The following SPTBN4 variants were observed in gnomAD, a reference collection of about 807,000 sequenced individuals.
SPTBN4 encodes spectrin beta chain, non-erythrocytic 4.
SPTBN4 carries 96 observed loss-of-function variants against 277.8 expected under a neutral mutation model. The ratio of observed to expected loss-of-function variants is 0.35; its 90% CI spans 0.29 to 0.41. The LOEUF is 0.41. Ranked by LOEUF, SPTBN4 falls within the 10% of genes least tolerant of loss-of-function variation. SPTBN4 has a pLI of 1.00. For synonymous variants in SPTBN4, 1,481 were observed against 1,580.3 expected, an observed-to-expected ratio of 0.94 and a Z score of 1.49; for missense variants, 3,006 against 3,595.7, an observed-to-expected ratio of 0.84 and a Z score of 4.19.
At chr19:40,488,084 C>A (rs900423363) in intron 3 of SPTBN4, among the ~76,000 whole-genome samples, 2 of 151,818 alleles carry the variant, frequency 1.3e-5, no homozygotes, top group African/African-American at 4.8e-5. Flanking sequence ...GCTGATGGCT[C>A]GCTAGCTACG....
At position 40,569,705 on chromosome 19, in the gene SPTBN4, A is replaced by G; in HGVS notation, c.7005A>G (p.Ala2335=). ...DIVEQLQEKE[A]GPGLPAGPSL... is the part of the protein sequence containing the mutation. The stretch of plus-strand genomic sequence containing the variant: ...TGGAACAGCTGCAGGAGAAAGAGGC[A>G]GGCCCAGGGCTGCCTGCTGGGGTAA... Residue 2335 remains alanine (A), a synonymous_variant, in exon 32 of 36, where the codon GCA becomes GCG. Transcript: ENST00000598249. 1 of 1,612,672 alleles carries G rather than the reference A, an allele frequency of 6.2e-7. No individual in the cohort carries two copies. The highest frequency in any genetic ancestry group is 8.5e-7 in the Non-Finnish European group (1 of 1,179,480).
rs1243848610 is a variant in SPTBN4, at chr19:40,512,969, C to A, written c.2180C>A (p.Ala727Glu). The A allele has an allele frequency of 3.5e-6, 5 of 1,411,364 alleles. No homozygotes were observed. Among genetic ancestry groups the A allele is most frequent in the Non-Finnish European group, 3.7e-6 (4 of 1,092,870 alleles). The allele number at this position is 1,411,364 out of a possible 1,614,324, so 87.4% of individuals were successfully genotyped here. Residue 727 changes from alanine to glutamate, a missense_variant, in exon 14 of 36, where the codon GCG becomes GAG. Ala to Glu is a moderately radical substitution (Grantham distance 107). Transcript: ENST00000598249. ...QALRCGEELV[A>E]AGGAVGPGAD... ...CTGCGGTGTGGCGAGGAGCTGGTTG[C>A]GGCCGGCGGTGCCGTCGGCCCGGGA...
chr19:40,503,738 A>C (rs1267074384), intron 11 of SPTBN4, 92 bp from the exon 12 acceptor site: 4 of 1,328,366 alleles, frequency 3.0e-6, no homozygotes, highest in Non-Finnish European at 4.1e-6. Flanking sequence ...TCTCCAAGGT[A>C]ATGGAGTGGG....
intron 2 of SPTBN4, among the ~76,000 whole-genome samples, chr19:40,473,412 C>T (rs1016606469): frequency 1.5e-5 from 2 of 130,856 alleles, no homozygotes; most frequent in East Asian, 2.2e-4. Flanking sequence ...GGCTGGAGTG[C>T]AGTGGCGCGA....
chr19:40,487,656 A>C, intron 2 of SPTBN4, 41 bp from the exon 3 acceptor site: 3 of 1,576,686 alleles, frequency 1.9e-6, no homozygotes, highest in South Asian at 2.4e-5. Flanking sequence ...GCTGGGGTGA[A>C]GGTGGAAGCG....
rs1361169841 is a variant in SPTBN4 at position 40,504,046 on chromosome 19, C to T, written c.1579C>T (p.Arg527Trp). ...CCTGCTAACTGGGCTTGTGGGTGCC[C>T]GGCGGACACGACTTGAGCAGAACCT... ...WALLTGLVGA[R>W]RTRLEQNLAL... Residue 527 changes from arginine (R) to tryptophan (W), a missense_variant, in exon 12 of 36, where the codon CGG becomes TGG. By Grantham distance (101) the Arg-to-Trp change is moderately radical. Coordinates refer to ENST00000598249, the MANE Select transcript of SPTBN4 (RefSeq NM_020971.3). 4 of 1,608,270 alleles carry T rather than the reference C, an allele frequency of 2.5e-6. No homozygotes were observed. Among genetic ancestry groups the T allele is most frequent in the African/African-American group, 1.3e-5 (1 of 74,402 alleles).
intron 33 of SPTBN4, chr19:40,570,969 A>T: frequency 4.1e-6 from 2 of 482,060 alleles, no homozygotes; most frequent in Non-Finnish European, 3.7e-6. Context: ...GTGGGGCCAG[A>T]TGAGGGGTGG....
chr19:40,518,392 ATTAGAAC>A (rs2080484216), intron 15 of SPTBN4, among the ~76,000 whole-genome samples: 1 of 152,258 alleles, frequency 6.6e-6, no homozygotes, highest in South Asian at 2.1e-4. Flanking sequence ...TATTTACTAT[ATTAGAAC>A]TTAGTACTGA....
Position 40,502,965 on chromosome 19 carries a change from A to G in SPTBN4, c.1362+32A>G, listed in dbSNP as rs1221546297. On this transcript the variant is annotated intron_variant, in intron 11 of 35. Transcript: ENST00000598249. The surrounding 1 kb of genome is among the most constrained non-coding windows in gnomAD (Gnocchi z 4.9). ...GGTGTAGGGCTTGGCTCCAGGGTAA[A>G]GGGACGGAGGGCGGGGCTGATGGTC... 6.2e-7 allele frequency: 1 copy of G among 1,605,448 alleles called. No individual in the cohort carries two copies. Among genetic ancestry groups the G allele is most frequent in the East Asian group, 2.2e-5 (1 of 44,724 alleles).
intron 2 of SPTBN4, among the ~76,000 whole-genome samples, chr19:40,483,818 G>A (rs1199956926): frequency 1.3e-5 from 2 of 152,144 alleles, no homozygotes; most frequent in Non-Finnish European, 2.9e-5. Context: ...AGGACAACTG[G>A]GTTCTGCCCT....
rs1162454920 is a variant in SPTBN4, at chr19:40,572,057, A to T, written c.7358A>T (p.Glu2453Val). The stretch of plus-strand genomic sequence containing the variant: ...CTGTACTGTGTGCTTAGTAAGGGGG[A>T]ACTGGGCTTCTACAAGGACTCCAAG... ...VSLYCVLSKGELGFYKDSKGP... is the reference protein window; with the variant it reads ...VSLYCVLSKGVLGFYKDSKGP... Residue 2453 changes from glutamate (E) to valine (V), a missense_variant, in exon 34 of 36, where the codon GAA becomes GTA. Transcript: ENST00000598249. 3 of 1,606,852 alleles carry T rather than the reference A, an allele frequency of 1.9e-6. No homozygotes were observed. The highest frequency in any genetic ancestry group is 2.2e-5 in the South Asian group (2 of 90,132).
intron 26 of SPTBN4, among the ~76,000 whole-genome samples, chr19:40,559,751 C>A (rs936356648): frequency 6.6e-6 from 1 of 152,114 alleles, no homozygotes; most frequent in Non-Finnish European, 1.5e-5. Flanking sequence ...ATTGAACAGC[C>A]GTCGTGTAGG....
intron 4 of SPTBN4, among the ~76,000 whole-genome samples, chr19:40,491,951 G>T (rs1311409415): frequency 6.6e-6 from 1 of 151,970 alleles, no homozygotes; most frequent in Non-Finnish European, 1.5e-5. Flanking sequence ...GAACCTGGGA[G>T]GTGGAGGTTG....
At chr19:40,552,024 T>C (rs1478464991) in intron 22 of SPTBN4, among the ~76,000 whole-genome samples, 1 of 149,478 alleles carries the variant, frequency 6.7e-6, no homozygotes, top group Non-Finnish European at 1.5e-5. Context: ...GATTAAAGAT[T>C]TACTAAGTGC....
At chr19:40,482,598 A>G (rs1260672986) in intron 2 of SPTBN4, among the ~76,000 whole-genome samples, 1 of 152,214 alleles carries the variant, frequency 6.6e-6, no homozygotes, top group Non-Finnish European at 1.5e-5. Context: ...TTTTAAAGAC[A>G]AAGTCTTCCT....
In SPTBN4 at chr19:40,515,471, G is replaced by A; in HGVS notation, c.2903+23G>A. The A allele has an allele frequency of 6.5e-7, 1 of 1,540,048 alleles. No homozygotes were observed. Among genetic ancestry groups the A allele is most frequent in the Non-Finnish European group, 8.8e-7 (1 of 1,141,832 alleles). The stretch of plus-strand genomic sequence containing the variant: ...CAGGTAGGAGGGCCTGGGGCTGGGA[G>A]TCCCTCCCATCCTTCCCTTCCACAC... On this transcript the variant is annotated intron_variant, in intron 15 of 35. Transcript: ENST00000598249. This position sits in a 1 kb window ranked among gnomAD's most constrained non-coding sequence, Gnocchi z 4.1.
intron 4 of SPTBN4, among the ~76,000 whole-genome samples, chr19:40,492,679 C>T (rs1369168409): frequency 6.6e-6 from 1 of 152,160 alleles, no homozygotes; most frequent in Non-Finnish European, 1.5e-5. Context: ...ACCGCACTAG[C>T]CTAGGCAGGA....
chr19:40,492,878 C>T, intron 4 of SPTBN4, 85 bp from the exon 5 acceptor site: 1 of 1,241,960 alleles, frequency 8.1e-7, no homozygotes, highest in South Asian at 1.3e-5. Context: ...CACCTGCCAC[C>T]TTCTCTGGTA....
Position 40,570,534 on chromosome 19 carries a change from G to A in SPTBN4, c.7125G>A (p.Arg2375=), listed in dbSNP as rs757583014. The change falls in exon 33 of 36, where the codon CGG becomes CGA. Residue 2375 remains arginine, a synonymous_variant. Transcript: ENST00000598249. ...RTPRPDRPRA[R]DRPKPRRRPR... ...CTCGGCCGGACCGGCCCCGGGCGCG[G>A]GACCGGCCCAAGCCGCGACGGCGGC... is the stretch of plus-strand genomic sequence containing the variant. 3.0e-5 allele frequency: 42 copies of A among 1,416,212 alleles called. No individual in the cohort carries two copies. In the East Asian group the frequency reaches 5.4e-4, roughly 18 times the overall value. 87.7% of individuals were successfully genotyped at this position (1,416,212 alleles called of 1,614,324 possible).
Sources: allele counts gnomAD v4.1 joint callset (sites outside exome capture counted in the v4.1 genomes callset), GRCh38; gene constraint gnomAD v4.1.1; non-coding constraint Gnocchi (gnomAD v3.1); transcripts MANE v1.5; gene names NCBI Gene and HGNC (gene_info 2026-07-23, HGNC 2026-07-21).